Variants in EVL observed in about 807,000 individuals in gnomAD.
The protein encoded by EVL is Enah/Vasp-like.
A neutral mutation model predicts 59.6 loss-of-function variants in EVL; 21 were observed. That is an observed-to-expected ratio of 0.35 (90% CI 0.25 to 0.51). The LOEUF is 0.51. Ranked by LOEUF, EVL falls within the 20% of genes least tolerant of loss-of-function variation. The probability of loss-of-function intolerance (pLI) is 0.97; values close to 1 mark genes in which losing one functional copy is unlikely to be tolerated. For missense variants in EVL, 462 were observed against 546.6 expected (o/e 0.85, Z 1.54); for synonymous variants, 198 against 203.5 (o/e 0.97, Z 0.23).
At chr14:100,058,992 C>T (rs1157194158) in intron 1 of EVL, among the ~76,000 whole-genome samples, 1 of 152,210 alleles carries the variant, frequency 6.6e-6, no homozygotes, top group Non-Finnish European at 1.5e-5. Flanking sequence ...CTGAAAGGCA[C>T]TTCTCACAGA....
At chr14:100,071,604 G>A (rs1261763258) in intron 1 of EVL, among the ~76,000 whole-genome samples, 1 of 152,140 alleles carries the variant, frequency 6.6e-6, no homozygotes, top group Non-Finnish European at 1.5e-5. Flanking sequence ...AAGCTTTTTG[G>A]CATCCTCAAT....
intron 13 of EVL, among the ~76,000 whole-genome samples, chr14:100,142,548 C>G (rs1182205873): frequency 2.0e-5 from 3 of 152,238 alleles, no homozygotes; most frequent in Non-Finnish European, 4.4e-5. Flanking sequence ...GTAGCTGGGT[C>G]TGGCCCCCAG....
At chr14:100,096,569 C>G (rs1490309304) in intron 2 of EVL, among the ~76,000 whole-genome samples, 1 of 152,192 alleles carries the variant, frequency 6.6e-6, no homozygotes, top group African/African-American at 2.4e-5. Context: ...ACCGATCATT[C>G]ATAAGTGTCA....
At chr14:100,071,046 T>TTTG (rs905335409) in intron 1 of EVL, among the ~76,000 whole-genome samples, 8 of 152,142 alleles carry the variant, frequency 5.3e-5, no homozygotes, top group African/African-American at 1.9e-4. Context: ...TGGAGTGTTT[T>TTTG]TCCAGATTGC....
chr14:100,009,271 C>T (rs549904447), intron 1 of EVL, among the ~76,000 whole-genome samples: 1 of 152,330 alleles, frequency 6.6e-6, no homozygotes, highest in South Asian at 2.1e-4. Context: ...TGAGAACACA[C>T]CCGTGTGGCC....
At chr14:100,107,867 C>G (rs1220266818) in intron 3 of EVL, 1 of 152,166 alleles carries the variant, frequency 6.6e-6, no homozygotes, top group Non-Finnish European at 1.5e-5. Flanking sequence ...CCTGATGCAA[C>G]CAGAGTAGTT....
chr14:99,976,069 C>T (rs1434143557), intron 1 of EVL, among the ~76,000 whole-genome samples: 1 of 151,774 alleles, frequency 6.6e-6, no homozygotes, highest in East Asian at 1.9e-4. Context: ...GAGTCTCATT[C>T]CTTTGCTCAG....
chr14:100,010,801 T>A (rs1218818722), intron 1 of EVL, among the ~76,000 whole-genome samples: 1 of 152,334 alleles, frequency 6.6e-6, no homozygotes. Flanking sequence ...TTTGTGAAGA[T>A]GAGGAAATTA....
At position 100,123,535 on chromosome 14, in the gene EVL, A is replaced by G; in HGVS notation, c.359-4A>G. ...ACACTGTTTCTGTGCTTCTCTGCCC[A>G]CAGGCCCCTCCAGCCAGCGTCAGGT... On this transcript the variant is annotated splice_polypyrimidine_tract_variant and splice_region_variant and intron_variant, in intron 3 of 13. Coordinates refer to ENST00000392920, the MANE Select transcript of EVL (RefSeq NM_016337.3). The G allele has an allele frequency of 6.2e-7, 1 of 1,613,992 alleles. No individual in the cohort carries two copies. Among genetic ancestry groups the G allele is most frequent in the Non-Finnish European group, 8.5e-7 (1 of 1,179,940 alleles).
In EVL at chr14:100,127,128, C is replaced by T. The variant is rs934643728; in HGVS notation, c.487+357C>T. On this transcript the variant is annotated intron_variant, in intron 5 of 13. Coordinates refer to ENST00000392920, the MANE Select transcript of EVL (RefSeq NM_016337.3). The surrounding 1 kb of genome is among the most constrained non-coding windows in gnomAD (Gnocchi z 4.2). ...CCACTCAAGGAGACAGTGAACCCAC[C>T]CTTGTCATGTCACGTAGTGAACACT... Among the ~76,000 whole-genome samples the T allele has an allele frequency of 6.6e-6, 1 of 152,230 alleles. No individual in the cohort carries two copies. Among genetic ancestry groups the T allele is most frequent in the African/African-American group, 2.4e-5 (1 of 41,458 alleles).
intron 3 of EVL, among the ~76,000 whole-genome samples, chr14:100,117,396 C>G (rs748846132): frequency 6.6e-6 from 1 of 151,712 alleles, no homozygotes. Context: ...TTCTCACACT[C>G]GCACCAGGGC....
At chr14:100,042,717 A>G (rs74084458) in intron 1 of EVL, among the ~76,000 whole-genome samples, 8,698 of 152,250 alleles carry the variant, frequency 0.057, 889 homozygotes, top group African/African-American at 0.2. Context: ...GAAAAAGTAT[A>G]ATATGCTTAA....
intron 1 of EVL, among the ~76,000 whole-genome samples, chr14:100,018,414 A>C (rs74084427): frequency 0.027 from 4,081 of 152,328 alleles, 182 homozygotes; most frequent in African/African-American, 0.092. Flanking sequence ...TGGAGAAATA[A>C]GACTTTGCAT....
intron 1 of EVL, among the ~76,000 whole-genome samples, chr14:100,073,424 G>C (rs902114363): frequency 2.1e-4 from 32 of 150,966 alleles, no homozygotes; most frequent in African/African-American, 7.1e-4. Context: ...TCAGCTCAAG[G>C]GATCCTTCCA....
intron 3 of EVL, among the ~76,000 whole-genome samples, chr14:100,110,937 C>G (rs1041910087): frequency 5.3e-5 from 8 of 152,108 alleles, no homozygotes; most frequent in Non-Finnish European, 8.8e-5. Flanking sequence ...CTCACCAGCA[C>G]CTTCCTGACG....
upstream of EVL, among the ~76,000 whole-genome samples, chr14:100,063,966 C>T (rs899032982): frequency 3.9e-5 from 6 of 152,106 alleles, no homozygotes; most frequent in African/African-American, 7.2e-5. Context: ...CAAAATTTAA[C>T]GAAGCACTTA....
rs531123069 is a variant in EVL at position 100,010,017 on chromosome 14, C to T, written c.5+37960C>T. Among the ~76,000 whole-genome samples the T allele has an allele frequency of 9.2e-5, 14 of 152,084 alleles. 1 individual carries two copies. Among genetic ancestry groups the T allele is most frequent in the South Asian group, 6.2e-4 (3 of 4,826 alleles). On this transcript the variant is annotated intron_variant, in intron 1 of 13. Coordinates refer to the EVL transcript ENST00000402714. ...AAACTCTCAGACTTTAGAGAGAGCA[C>T]GTTGTAAAATGTTTCTTATCAGACT... is the stretch of plus-strand genomic sequence containing the variant.
intron 3 of EVL, among the ~76,000 whole-genome samples, chr14:100,121,687 G>A (rs1449996980): frequency 2.0e-5 from 3 of 152,166 alleles, no homozygotes; most frequent in Admixed American, 6.5e-5. Flanking sequence ...AGGGTGTTGG[G>A]AGGACGTCAG....
chr14:100,077,944 T>C (rs1231401985), intron 1 of EVL, among the ~76,000 whole-genome samples: 1 of 151,874 alleles, frequency 6.6e-6, no homozygotes, highest in Non-Finnish European at 1.5e-5. Context: ...GGCTAATTTT[T>C]TTTTGTATTT....
Sources: gnomAD v4.1 joint callset for allele counts (sites outside exome capture counted in the v4.1 genomes callset) on GRCh38, gnomAD v4.1.1 for gene constraint, Gnocchi (gnomAD v3.1) non-coding constraint, MANE v1.5 for transcripts, NCBI Gene and HGNC (gene_info 2026-07-23, HGNC 2026-07-21) for gene names.